FBXL17: variants seen among roughly 807,000 people sequenced by gnomAD.
FBXL17 encodes F-box and leucine rich repeat protein 17, also known as F-box/LRR-repeat protein 17.
In FBXL17, 22 loss-of-function variants were observed where a neutral mutation model predicts 66.2. That is an observed-to-expected ratio of 0.33 (90% CI 0.24 to 0.47). The LOEUF (loss-of-function observed/expected upper bound fraction) is 0.47, where lower values mean the gene tolerates loss of function less well. Among genes scored for constraint, FBXL17 ranks in the 20% least tolerant of loss-of-function variants. The pLI is 1.00. For synonymous variants in FBXL17, 474 were observed against 400.5 expected (o/e 1.18, Z -2.19); for missense variants, 878 against 948.2 (o/e 0.93, Z 0.97).
At chr5:107,956,742 A>C (rs1751679592) in intron 7 of FBXL17, among the ~76,000 whole-genome samples, 1 of 152,092 alleles carries the variant, frequency 6.6e-6, no homozygotes, top group African/African-American at 2.4e-5. Context: ...GAAACTGACT[A>C]CTCTGGGGTG....
At chr5:107,925,612 CT>C (rs1750500768) in intron 7 of FBXL17, among the ~76,000 whole-genome samples, 1 of 152,182 alleles carries the variant, frequency 6.6e-6, no homozygotes, top group South Asian at 2.1e-4. Flanking sequence ...ATCCCAGTTT[CT>C]TTTTCCTTTG....
intron 4 of FBXL17, among the ~76,000 whole-genome samples, chr5:108,269,514 G>A (rs1407954985): frequency 6.6e-6 from 1 of 152,006 alleles, no homozygotes; most frequent in Non-Finnish European, 1.5e-5. Context: ...GAAAAAATCT[G>A]TAAATTCCTC....
intron 5 of FBXL17, among the ~76,000 whole-genome samples, chr5:108,211,455 G>A (rs923066863): frequency 2.6e-5 from 4 of 152,170 alleles, no homozygotes; most frequent in Non-Finnish European, 5.9e-5. Flanking sequence ...TTTCTGCAGT[G>A]GCTGGTACTG....
chr5:108,047,415 T>A (rs558133667), intron 6 of FBXL17, among the ~76,000 whole-genome samples: 1 of 152,292 alleles, frequency 6.6e-6, no homozygotes, highest in South Asian at 2.1e-4. Context: ...CGCTTAAGCC[T>A]GCCAGGTCCC....
chr5:107,962,130 G>A (rs954863138), intron 7 of FBXL17, among the ~76,000 whole-genome samples: 2 of 152,090 alleles, frequency 1.3e-5, no homozygotes, highest in African/African-American at 4.8e-5. Context: ...TCTTTCAGAT[G>A]ATGAAAAAGG....
intron 4 of FBXL17, among the ~76,000 whole-genome samples, chr5:108,225,666 T>C (rs2150078309): frequency 6.6e-6 from 1 of 152,330 alleles, no homozygotes; most frequent in South Asian, 2.1e-4. Context: ...TCTAGAACTG[T>C]GACACCATAA....
At chr5:107,958,348 T>C (rs902506094) in intron 7 of FBXL17, among the ~76,000 whole-genome samples, 6 of 152,198 alleles carry the variant, frequency 3.9e-5, no homozygotes, top group Admixed American at 3.3e-4. Flanking sequence ...GTTTAGTTTA[T>C]GGACTAATAT....
intron 1 of FBXL17, among the ~76,000 whole-genome samples, chr5:108,374,292 T>C (rs1356419550): frequency 6.6e-6 from 1 of 152,192 alleles, no homozygotes; most frequent in Non-Finnish European, 1.5e-5. Flanking sequence ...TCTAAAATAC[T>C]ACACTACAAG....
chr5:107,980,665 T>TATATATATATATATATA (rs1363335386), intron 7 of FBXL17, among the ~76,000 whole-genome samples: 26 of 79,020 alleles, frequency 3.3e-4, no homozygotes, highest in African/African-American at 3.6e-4. Context: ...TATATATATA[T>TATATATATATATATATA]TTTTTTTTTG....
intron 5 of FBXL17, among the ~76,000 whole-genome samples, chr5:108,221,742 T>G (rs1218195295): frequency 6.6e-6 from 1 of 152,170 alleles, no homozygotes; most frequent in East Asian, 1.9e-4. Context: ...GTAACCAGTA[T>G]GAAAACATTG....
At chr5:108,160,263 C>T (rs1417270108) in intron 6 of FBXL17, among the ~76,000 whole-genome samples, 1 of 152,090 alleles carries the variant, frequency 6.6e-6, no homozygotes, top group Non-Finnish European at 1.5e-5. Context: ...TATAATACCA[C>T]GATTAGATTT....
At chr5:108,357,094 AAG>A (rs1173045886) in intron 3 of FBXL17, among the ~76,000 whole-genome samples, 1 of 152,092 alleles carries the variant, frequency 6.6e-6, no homozygotes, top group African/African-American at 2.4e-5. Flanking sequence ...ACTGTAAATT[AAG>A]AGAGTTGTAA....
rs1222611207 is a variant in FBXL17, at chr5:107,859,623, A to T, written c.*2097T>A. On this transcript the variant is annotated 3_prime_UTR_variant, in exon 9 of 9. Transcript: ENST00000542267. The stretch of plus-strand genomic sequence containing the variant: ...AGATTCAAACAATGCAACATTTAAA[A>T]AAATCAATTATACATTCTGAAACCA... 1 of 150,842 alleles carries T rather than the reference A, an allele frequency of 6.6e-6. No individual in the cohort carries two copies. Among genetic ancestry groups the T allele is most frequent in the Non-Finnish European group, 1.5e-5 (1 of 67,762 alleles). The allele number at this position is 150,842 out of a possible 1,614,324, so 9.3% of individuals were successfully genotyped here. A position where few individuals can be genotyped will look rare whatever the true frequency, so the allele number is the denominator to read the frequency against.
At position 108,250,736 on chromosome 5, in the gene FBXL17, C is replaced by A. The variant is rs530651757; in HGVS notation, c.1507-26508G>T. On this transcript the variant is annotated intron_variant, in intron 4 of 8. Coordinates refer to ENST00000542267, the MANE Select transcript of FBXL17 (RefSeq NM_001163315.3). ...TTCTCTTACATTCTCCAAAGGCAAA[C>A]ACTGTTATGTTTCTTGTACTTGCTT... is the stretch of plus-strand genomic sequence containing the variant. 1.8e-4 allele frequency among the ~76,000 whole-genome samples: 27 copies of A among 152,156 alleles called. No homozygotes were observed. In the South Asian group the frequency reaches 5.6e-3, roughly 31 times the overall value.
chr5:108,182,120 G>C (rs976592609), intron 6 of FBXL17, among the ~76,000 whole-genome samples: 6 of 152,136 alleles, frequency 3.9e-5, no homozygotes, highest in African/African-American at 1.4e-4. Context: ...GTCACCTAAA[G>C]AGAGTGACCT....
intron 4 of FBXL17, chr5:108,297,816 T>G (rs949897796): frequency 2.5e-6 from 2 of 793,372 alleles, no homozygotes; most frequent in Admixed American, 1.3e-4. Flanking sequence ...TGCTTTAGAA[T>G]TCTTACTGAA....
chr5:108,043,070 G>A (rs781692453), intron 6 of FBXL17, among the ~76,000 whole-genome samples: 1 of 152,070 alleles, frequency 6.6e-6, no homozygotes, highest in South Asian at 2.1e-4. Flanking sequence ...TTTTCTAACT[G>A]GCTTGTTTTT....
At chr5:107,902,774 A>G (rs904852147) in intron 7 of FBXL17, among the ~76,000 whole-genome samples, 14 of 151,920 alleles carry the variant, frequency 9.2e-5, no homozygotes, top group African/African-American at 3.4e-4. Flanking sequence ...AGTACAAGAG[A>G]TTTTATGCAT....
At chr5:108,183,336 G>GC (rs2150028895) in intron 6 of FBXL17, among the ~76,000 whole-genome samples, 1 of 152,106 alleles carries the variant, frequency 6.6e-6, no homozygotes, top group Non-Finnish European at 1.5e-5. Flanking sequence ...ACCACGCCTG[G>GC]CCCAGTTTTC....
Sources: gnomAD v4.1 joint callset for allele counts (sites outside exome capture counted in the v4.1 genomes callset) on GRCh38, gnomAD v4.1.1 for gene constraint, MANE v1.5 for transcripts, NCBI Gene and HGNC (gene_info 2026-07-23, HGNC 2026-07-21) for gene names.